The following RHOJ variants were observed in gnomAD, a reference collection of about 807,000 sequenced individuals.
The protein encoded by RHOJ is rho-related GTP-binding protein RhoJ.
RHOJ carries 11 observed loss-of-function variants against 23.4 expected under a neutral mutation model. The ratio of observed to expected loss-of-function variants is 0.47; its 90% CI spans 0.30 to 0.78. The LOEUF is 0.78. Among genes scored for constraint, RHOJ ranks in the 30% least tolerant of loss-of-function variants. RHOJ has a pLI of 0.08. For synonymous variants in RHOJ, 102 were observed against 102.7 expected, an observed-to-expected ratio of 0.99 and a Z score of 0.04; for missense variants, 254 against 273.4, an observed-to-expected ratio of 0.93 and a Z score of 0.50.
At chr14:63,236,879 T>C (rs1157134456) in intron 1 of RHOJ, among the ~76,000 whole-genome samples, 1 of 152,102 alleles carries the variant, frequency 6.6e-6, no homozygotes, top group Non-Finnish European at 1.5e-5. Flanking sequence ...TGATATCCAA[T>C]GGTGTAATAT....
At chr14:63,224,348 C>A (rs987552933) in intron 1 of RHOJ, among the ~76,000 whole-genome samples, 2 of 152,158 alleles carry the variant, frequency 1.3e-5, no homozygotes, top group East Asian at 1.9e-4. Context: ...GGGCTCAGAA[C>A]TGGAGGTCTC....
At chr14:63,250,687 TCA>T (rs1406139287) in intron 1 of RHOJ, among the ~76,000 whole-genome samples, 2 of 152,132 alleles carry the variant, frequency 1.3e-5, no homozygotes, top group African/African-American at 4.8e-5. Context: ...TGCTCAGGGC[TCA>T]GTTTCAATGT....
chr14:63,290,706 G>A (rs2139671822), intron 4 of RHOJ, among the ~76,000 whole-genome samples, 172 bp from the exon 5 acceptor site: 1 of 146,552 alleles, frequency 6.8e-6, no homozygotes, highest in East Asian at 2.0e-4. Flanking sequence ...AAATAGGATA[G>A]CAGATACAAA....
At chr14:63,224,451 G>C (rs1037961129) in intron 1 of RHOJ, among the ~76,000 whole-genome samples, 1 of 152,154 alleles carries the variant, frequency 6.6e-6, no homozygotes, top group Admixed American at 6.5e-5. Context: ...CAGCAGTTGG[G>C]GGGAGGGGGA....
intron 1 of RHOJ, among the ~76,000 whole-genome samples, chr14:63,259,090 C>T (rs1419765234): frequency 1.3e-5 from 2 of 152,192 alleles, no homozygotes; most frequent in African/African-American, 4.8e-5. Flanking sequence ...CAGGTGCGTG[C>T]CACCACGCCT....
intron 2 of RHOJ, among the ~76,000 whole-genome samples, chr14:63,272,987 C>A (rs890673225): frequency 2.6e-5 from 4 of 152,212 alleles, no homozygotes; most frequent in African/African-American, 9.6e-5. Flanking sequence ...CGCACCATTG[C>A]ACTCCAGCCT....
At chr14:63,233,948 T>C (rs1365991482) in intron 1 of RHOJ, among the ~76,000 whole-genome samples, 2 of 152,250 alleles carry the variant, frequency 1.3e-5, no homozygotes, top group Non-Finnish European at 2.9e-5. Flanking sequence ...TTCTGTGCTC[T>C]GACTCCTCTT....
intron 1 of RHOJ, among the ~76,000 whole-genome samples, chr14:63,256,460 A>C (rs775812514): frequency 6.6e-6 from 1 of 152,118 alleles, no homozygotes; most frequent in African/African-American, 2.4e-5. Context: ...GAGAGGCGTA[A>C]GCTTCACAAG....
intron 1 of RHOJ, among the ~76,000 whole-genome samples, chr14:63,241,801 G>C (rs1409267056): frequency 6.6e-6 from 1 of 152,092 alleles, no homozygotes; most frequent in East Asian, 1.9e-4. Flanking sequence ...AGGTTCCATG[G>C]ACTAAAGAAA....
intron 1 of RHOJ, among the ~76,000 whole-genome samples, chr14:63,214,357 G>A (rs1195361695): frequency 1.3e-5 from 2 of 152,214 alleles, no homozygotes; most frequent in African/African-American, 4.8e-5. Context: ...CAGCTAATGT[G>A]ACTTAGTAGG....
intron 1 of RHOJ, among the ~76,000 whole-genome samples, chr14:63,206,472 T>C (rs922606652): frequency 2.0e-5 from 3 of 152,190 alleles, no homozygotes; most frequent in Non-Finnish European, 2.9e-5. Flanking sequence ...CCTGAAACCA[T>C]CTTAGCAAAA....
intron 4 of RHOJ, chr14:63,284,277 T>C (rs771240152): frequency 4.9e-5 from 48 of 984,868 alleles, no homozygotes; most frequent in Admixed American, 4.3e-4. Context: ...ACAGGTATCC[T>C]GCATGAGAAC....
At chr14:63,227,743 A>C (rs959285138) in intron 1 of RHOJ, among the ~76,000 whole-genome samples, 2 of 152,232 alleles carry the variant, frequency 1.3e-5, no homozygotes, top group African/African-American at 4.8e-5. Flanking sequence ...AAATACTTTG[A>C]GACTGCTGGA....
rs978489778 is a variant in RHOJ, at chr14:63,209,953, C to CT, written c.178+4914dup. 4.4e-4 allele frequency among the ~76,000 whole-genome samples: 64 copies of CT among 146,976 alleles called. No homozygotes were observed. The Middle Eastern group carries it at 0.011, about 25-fold the overall frequency. ...TAGCATTGAATTTTCTTTTTTTTTC[C>CT]TTTTTTTTCTTTTTTTTTTTTTCTT... On this transcript the variant is annotated intron_variant, in intron 1 of 4. Coordinates refer to ENST00000316754, the MANE Select transcript of RHOJ (RefSeq NM_020663.5).
Position 63,204,903 on chromosome 14 carries a change from G to A in RHOJ, c.34G>A (p.Gly12Ser). ...CAAAGAGGGAACTGACAGCAGCTGCGGCTGCAGGGGCAACGACGAGAAGAA... is the reference window on the plus strand; with the variant it reads ...CAAAGAGGGAACTGACAGCAGCTGCAGCTGCAGGGGCAACGACGAGAAGAA... ...NCKEGTDSSC[G>S]CRGNDEKKML... Residue 12 changes from glycine to serine, a missense_variant, in exon 1 of 5, where the codon GGC (glycine) becomes AGC (serine). Gly to Ser is a moderately conservative substitution (Grantham distance 56). Coordinates refer to ENST00000316754, the MANE Select transcript of RHOJ (RefSeq NM_020663.5). 6.2e-7 allele frequency: 1 copy of A among 1,614,064 alleles called. No individual in the cohort carries two copies.
rs116996648 is a variant in RHOJ, at chr14:63,233,260, G to C, written c.178+28213G>C. On this transcript the variant is annotated intron_variant, in intron 1 of 4. Transcript: ENST00000316754. ...ATCCTGACAGACAAAAAGTATATTAGTAGTTTTCAGGGACTGTGAAAGGGC... is the reference window on the plus strand; with the variant it reads ...ATCCTGACAGACAAAAAGTATATTACTAGTTTTCAGGGACTGTGAAAGGGC... Among the ~76,000 whole-genome samples, 718 of 152,288 alleles carry C rather than the reference G, an allele frequency of 4.7e-3. 27 individuals carry two copies. In the East Asian group the frequency reaches 0.11, roughly 22 times the overall value.
chr14:63,244,788 G>C (rs949873006), intron 1 of RHOJ, among the ~76,000 whole-genome samples: 8 of 152,158 alleles, frequency 5.3e-5, no homozygotes, highest in African/African-American at 1.4e-4. Context: ...TAAATAATTT[G>C]CCCAAGGTCA....
In RHOJ at chr14:63,286,360, C is replaced by A. The variant is rs9989155; in HGVS notation, c.498+3144C>A. ...GAAGAGAGAGAGACTAATACATTCA[C>A]GGAAGGAGGTTTCAGAGATTTCTTT... On this transcript the variant is annotated intron_variant, in intron 4 of 4. Transcript: ENST00000316754. Among the ~76,000 whole-genome samples the A allele has an allele frequency of 2.0e-5, 3 of 152,040 alleles. No homozygotes were observed. The South Asian group carries it at 6.2e-4, about 32-fold the overall frequency.
chr14:63,228,251 C>G (rs1894630242), intron 1 of RHOJ, among the ~76,000 whole-genome samples: 1 of 152,202 alleles, frequency 6.6e-6, no homozygotes, highest in Non-Finnish European at 1.5e-5. Flanking sequence ...AAAGAAAACT[C>G]ATCCATTGAT....
Sources: allele counts gnomAD v4.1 joint callset (sites outside exome capture counted in the v4.1 genomes callset), GRCh38; gene constraint gnomAD v4.1.1; transcripts MANE v1.5; gene names NCBI Gene and HGNC (gene_info 2026-07-23, HGNC 2026-07-21).